Variants in MEIS1 observed in about 807,000 individuals in gnomAD.
MEIS1 encodes the protein Meis homeobox 1.
Under a neutral mutation model 50.8 loss-of-function variants are expected in MEIS1, and 5 were observed. The ratio of observed to expected loss-of-function variants is 0.10; its 90% CI spans 0.05 to 0.21. The LOEUF is 0.21. Among genes scored for constraint, MEIS1 ranks in the 10% least tolerant of loss-of-function variants. MEIS1 has a pLI of 1.00. For missense variants in MEIS1, 318 were observed against 517.3 expected, an observed-to-expected ratio of 0.61 and a Z score of 3.74; for synonymous variants, 176 against 179.3, an observed-to-expected ratio of 0.98 and a Z score of 0.15.
intron 6 of MEIS1, among the ~76,000 whole-genome samples, chr2:66,456,469 A>C (rs1672392344): frequency 1.3e-5 from 2 of 152,202 alleles, no homozygotes; most frequent in African/African-American, 4.8e-5. Context: ...CAGGGCTGGA[A>C]CTGTGAGAAG....
At chr2:66,460,928 A>G (rs905339214) in intron 6 of MEIS1, among the ~76,000 whole-genome samples, 1 of 152,200 alleles carries the variant, frequency 6.6e-6, no homozygotes, top group African/African-American at 2.4e-5. Context: ...TATTCCAACA[A>G]GACCACCCTA....
chr2:66,464,289 G>GTGAGTTA, intron 7 of MEIS1, 69 bp downstream of exon 7: 1 of 1,230,124 alleles, frequency 8.1e-7, no homozygotes, highest in East Asian at 2.5e-5. Context: ...GAAATGTCTA[G>GTGAGTTA]TGAGTTACTA....
Position 66,490,878 on chromosome 2 carries a change from A to C in MEIS1, c.743-21271A>C, listed in dbSNP as rs142671327. Among the ~76,000 whole-genome samples the C allele has an allele frequency of 4.9e-3, 754 of 152,326 alleles. 2 individuals carry two copies. Among genetic ancestry groups the C allele is most frequent in the Non-Finnish European group, 7.9e-3 (539 of 68,028 alleles). On this transcript the variant is annotated intron_variant, in intron 7 of 12. Transcript: ENST00000272369. The stretch of plus-strand genomic sequence containing the variant: ...CCATATCGGGACTTTGCACATGCTC[A>C]CAAGTCAACTTTGGCAGGAAACTAG...
chr2:66,472,083 G>T (rs946689620), intron 7 of MEIS1, among the ~76,000 whole-genome samples: 3 of 151,942 alleles, frequency 2.0e-5, no homozygotes, highest in Non-Finnish European at 2.9e-5. Context: ...GTCTGCATTG[G>T]GTTTTAAACT....
intron 6 of MEIS1, among the ~76,000 whole-genome samples, chr2:66,458,853 A>G (rs536886609): frequency 3.6e-4 from 55 of 152,262 alleles, no homozygotes; most frequent in Non-Finnish European, 6.6e-4. Flanking sequence ...ATGGGAGAAC[A>G]CAATGCCAGG....
intron 6 of MEIS1, among the ~76,000 whole-genome samples, chr2:66,450,302 A>G (rs1380756723): frequency 1.3e-5 from 2 of 152,126 alleles, no homozygotes; most frequent in Middle Eastern, 3.2e-3. Context: ...TTGAGTGTGT[A>G]ATGTTATGCT....
intron 7 of MEIS1, among the ~76,000 whole-genome samples, chr2:66,488,051 T>C (rs1389587322): frequency 6.6e-6 from 1 of 152,240 alleles, no homozygotes; most frequent in East Asian, 1.9e-4. Flanking sequence ...TTCTTTTGCA[T>C]ACAAATATGG....
intron 6 of MEIS1, among the ~76,000 whole-genome samples, chr2:66,460,680 G>A (rs1260086372): frequency 2.0e-5 from 3 of 152,168 alleles, no homozygotes; most frequent in African/African-American, 2.4e-5. Flanking sequence ...AAGTTAGAGT[G>A]TACATTCAGT....
chr2:66,556,280 A>T (rs972702351), intron 9 of MEIS1, among the ~76,000 whole-genome samples: 2 of 152,206 alleles, frequency 1.3e-5, no homozygotes, highest in Non-Finnish European at 2.9e-5. Context: ...CTGTTCCGAC[A>T]TATTTGAGAG....
chr2:66,568,320 C>G (rs986838713), intron 10 of MEIS1: 1 of 216,036 alleles, frequency 4.6e-6, no homozygotes, highest in African/African-American at 2.3e-5. Context: ...TCTCTCATCT[C>G]TTAGGGAGCA....
intron 2 of MEIS1, chr2:66,439,505 C>G: frequency 6.8e-7 from 1 of 1,467,136 alleles, no homozygotes; most frequent in Non-Finnish European, 9.0e-7. Flanking sequence ...GTGGAGGGGA[C>G]GAGGGCTTGT....
At chr2:66,559,479 G>A (rs939097631) in intron 9 of MEIS1, among the ~76,000 whole-genome samples, 2 of 152,176 alleles carry the variant, frequency 1.3e-5, no homozygotes, top group African/African-American at 2.4e-5. Context: ...ATTCAGTAAT[G>A]TGTAAGGGAT....
intron 6 of MEIS1, among the ~76,000 whole-genome samples, chr2:66,444,286 C>T (rs1395717786): frequency 6.6e-6 from 1 of 152,160 alleles, no homozygotes; most frequent in African/African-American, 2.4e-5. Context: ...CAAAGGCCAG[C>T]TACTCTGCAA....
At chr2:66,522,564 C>T (rs554113143) in intron 8 of MEIS1, among the ~76,000 whole-genome samples, 2 of 152,244 alleles carry the variant, frequency 1.3e-5, no homozygotes, top group South Asian at 4.1e-4. Context: ...CTGGTGTTTT[C>T]GTGTTTAATT....
chr2:66,491,163 C>G (rs557545967), intron 7 of MEIS1, among the ~76,000 whole-genome samples: 4 of 152,192 alleles, frequency 2.6e-5, no homozygotes, highest in African/African-American at 7.2e-5. Flanking sequence ...CTGCTGGGTA[C>G]TCTTGATGCA....
chr2:66,452,384 G>C (rs1672296341), intron 6 of MEIS1, among the ~76,000 whole-genome samples: 1 of 151,838 alleles, frequency 6.6e-6, no homozygotes, highest in South Asian at 2.1e-4. Context: ...AGAGCATATG[G>C]AATTCATCTT....
chr2:66,446,028 G>C (rs1434168803), intron 6 of MEIS1, among the ~76,000 whole-genome samples: 2 of 152,116 alleles, frequency 1.3e-5, no homozygotes, highest in Non-Finnish European at 2.9e-5. Context: ...GGCTGTTCCG[G>C]GCTCCCAGAG....
intron 7 of MEIS1, among the ~76,000 whole-genome samples, chr2:66,497,032 T>C (rs1246132453): frequency 1.3e-5 from 2 of 152,178 alleles, no homozygotes; most frequent in Non-Finnish European, 2.9e-5. Context: ...TTTCTTTGCC[T>C]TCAGTAAAAA....
At chr2:66,457,870 T>C (rs1672430158) in intron 6 of MEIS1, among the ~76,000 whole-genome samples, 1 of 152,200 alleles carries the variant, frequency 6.6e-6, no homozygotes, top group African/African-American at 2.4e-5. Context: ...CTGGAGACTG[T>C]CCTCACCTGG....
Sources: allele counts gnomAD v4.1 joint callset (sites outside exome capture counted in the v4.1 genomes callset), GRCh38; gene constraint gnomAD v4.1.1; transcripts MANE v1.5; gene names NCBI Gene and HGNC (gene_info 2026-07-23, HGNC 2026-07-21).